Variants in ST7L observed in about 807,000 individuals in gnomAD.
The protein encoded by ST7L is suppressor of tumorigenicity 7 protein-like.
Under a neutral mutation model 72.5 loss-of-function variants are expected in ST7L, and 57 were observed. That is an observed-to-expected ratio of 0.79 (90% CI 0.64 to 0.98). The LOEUF (loss-of-function observed/expected upper bound fraction) is 0.98. ST7L is among the 50% of genes least tolerant of loss of function. The probability of loss-of-function intolerance (pLI) is 0.00; values close to 1 mark genes in which losing one functional copy is unlikely to be tolerated. For synonymous variants in ST7L, 221 were observed against 240.9 expected, an observed-to-expected ratio of 0.92 and a Z score of 0.77; for missense variants, 576 against 672.2, an observed-to-expected ratio of 0.86 and a Z score of 1.58.
At chr1:112,564,320 A>G (rs1034912698) in intron 11 of ST7L, among the ~76,000 whole-genome samples, 1 of 152,078 alleles carries the variant, frequency 6.6e-6, no homozygotes, top group African/African-American at 2.4e-5. Context: ...TCATATCTCA[A>G]CTCTTCTACT....
At chr1:112,611,063 T>A in intron 2 of ST7L, 60 bp from the exon 3 acceptor site, 1 of 1,539,836 alleles carries the variant, frequency 6.5e-7, no homozygotes, top group Non-Finnish European at 8.8e-7. Context: ...TGAGCTCAAA[T>A]TAAAACATTC....
intron 5 of ST7L, among the ~76,000 whole-genome samples, 160 bp from the exon 6 acceptor site, chr1:112,591,763 A>G (rs886587162): frequency 6.6e-6 from 1 of 152,184 alleles, no homozygotes; most frequent in African/African-American, 2.4e-5. Context: ...ATTATGAGAA[A>G]TTTACATTAA....
chr1:112,612,289 G>C (rs981332790), intron 2 of ST7L, among the ~76,000 whole-genome samples: 2 of 152,040 alleles, frequency 1.3e-5, no homozygotes, highest in African/African-American at 4.8e-5. Context: ...GTAGGGACAA[G>C]GTTTTGCCAT....
At chr1:112,584,229 T>C (rs1427189384) in intron 6 of ST7L, 103 bp from the exon 7 acceptor site, 1 of 1,222,122 alleles carries the variant, frequency 8.2e-7, no homozygotes, top group Admixed American at 3.2e-5. Context: ...ACCTACACTT[T>C]TTCCATCTTT....
At chr1:112,590,611 A>G (rs1361963422) in intron 6 of ST7L, among the ~76,000 whole-genome samples, 1 of 152,166 alleles carries the variant, frequency 6.6e-6, no homozygotes, top group African/African-American at 2.4e-5. Flanking sequence ...CCCAACTGGA[A>G]CCATATTTTC....
chr1:112,564,955 C>T (rs1180765756), intron 11 of ST7L, among the ~76,000 whole-genome samples: 2 of 151,758 alleles, frequency 1.3e-5, no homozygotes, highest in South Asian at 2.1e-4. Flanking sequence ...ACTTCCTCTG[C>T]ACTTAAAAGT....
chr1:112,556,196 C>T (rs111251589), intron 11 of ST7L, among the ~76,000 whole-genome samples, 178 bp from the exon 12 acceptor site: 3,079 of 151,984 alleles, frequency 0.02, 106 homozygotes, highest in African/African-American at 0.07. Context: ...TGCTTATATA[C>T]GCAAATTATG....
chr1:112,522,525 C>G (rs983602570), downstream of ST7L: 4 of 152,226 alleles, frequency 2.6e-5, no homozygotes, highest in African/African-American at 9.6e-5. Context: ...TTCCAAAGTT[C>G]CTCTCCAATA....
intron 11 of ST7L, among the ~76,000 whole-genome samples, chr1:112,574,471 A>T (rs1356542288): frequency 2.6e-5 from 4 of 151,830 alleles, no homozygotes; most frequent in Admixed American, 6.6e-5. Context: ...CATCCTGGCT[A>T]ACACTGTGAA....
At position 112,601,458 on chromosome 1, in the gene ST7L, G is replaced by C. The variant is rs544054980; in HGVS notation, c.452-610C>G. Among the ~76,000 whole-genome samples the C allele has an allele frequency of 4.6e-5, 7 of 152,176 alleles. No homozygotes were observed. The South Asian group carries it at 1.5e-3, about 32-fold the overall frequency. ...GACAGGGTTTCACCATGTTAGTCAGGATGGTCTCAATCTCCTGACCTCGTG... is the reference window on the plus strand; with the variant it reads ...GACAGGGTTTCACCATGTTAGTCAGCATGGTCTCAATCTCCTGACCTCGTG... On this transcript the variant is annotated intron_variant, in intron 3 of 14. Transcript: ENST00000358039.
At position 112,556,978 on chromosome 1, in the gene ST7L, A is replaced by C. The variant is rs552511348; in HGVS notation, c.1246-960T>G. Among the ~76,000 whole-genome samples, 52 of 133,340 alleles carry C rather than the reference A, an allele frequency of 3.9e-4. 1 individual carries two copies. Among genetic ancestry groups the C allele is most frequent in the East Asian group, 1.7e-3 (8 of 4,806 alleles). 87.5% of individuals were successfully genotyped at this position (133,340 alleles called of 152,430 possible). A position where few individuals can be genotyped will look rare whatever the true frequency, so the allele number is the denominator to read the frequency against. On this transcript the variant is annotated intron_variant, in intron 11 of 14. Transcript: ENST00000358039. ...CGAGACTCTGTCTCAAAAAAAAAAA[A>C]AAAAAACAAAAAAAAAAAAACACAA...
chr1:112,548,052 T>C (rs974271678), intron 13 of ST7L, among the ~76,000 whole-genome samples: 2 of 152,126 alleles, frequency 1.3e-5, no homozygotes, highest in African/African-American at 4.8e-5. Context: ...TGGTAACCAT[T>C]ATAAGAGATA....
chr1:112,594,033 CA>C (rs1168160409), intron 5 of ST7L, among the ~76,000 whole-genome samples: 2 of 152,024 alleles, frequency 1.3e-5, no homozygotes, highest in Non-Finnish European at 2.9e-5. Flanking sequence ...TAAAACTTTG[CA>C]AGGACCAAAA....
chr1:112,569,774 T>C (rs953857902), intron 11 of ST7L, among the ~76,000 whole-genome samples: 7 of 152,044 alleles, frequency 4.6e-5, no homozygotes, highest in African/African-American at 9.7e-5. Context: ...CTGGCTAACA[T>C]GGTGAAACCC....
At position 112,591,426 on chromosome 1, in the gene ST7L, A is replaced by T. The variant is rs565951263; in HGVS notation, c.701+99T>A. 13 of 947,048 alleles carry T rather than the reference A, an allele frequency of 1.4e-5. No homozygotes were observed. In the South Asian group the frequency reaches 2.2e-4, roughly 16 times the overall value. The allele number at this position is 947,048 out of a possible 1,614,324, so 58.7% of individuals were successfully genotyped here. A position where few individuals can be genotyped will look rare whatever the true frequency, so the allele number is the denominator to read the frequency against. ...ATAACATGCAAAAAGGAAATGACTAATGACTCCAAGTGTCTTAGGAACAGA... is the reference window on the plus strand; with the variant it reads ...ATAACATGCAAAAAGGAAATGACTATTGACTCCAAGTGTCTTAGGAACAGA... On this transcript the variant is annotated intron_variant, in intron 6 of 14. Transcript: ENST00000358039.
intron 14 of ST7L, among the ~76,000 whole-genome samples, chr1:112,541,295 A>G (rs1470511463): frequency 6.6e-6 from 1 of 152,114 alleles, no homozygotes; most frequent in African/African-American, 2.4e-5. Context: ...AAAAAAAAAA[A>G]AAGTAAATAG....
intron 2 of ST7L, among the ~76,000 whole-genome samples, chr1:112,612,734 T>C (rs1034232048): frequency 6.6e-6 from 1 of 152,058 alleles, no homozygotes; most frequent in Non-Finnish European, 1.5e-5. Context: ...CTACCATATA[T>C]TTTACTAAGA....
In ST7L at chr1:112,525,304, A is replaced by G. The variant is rs559960807; in HGVS notation, c.*709T>C. The G allele has an allele frequency of 6.6e-6, 1 of 152,208 alleles. No homozygotes were observed. The highest frequency in any genetic ancestry group is 2.1e-4 in the South Asian group (1 of 4,828). 9.4% of individuals were successfully genotyped at this position (152,208 alleles called of 1,614,324 possible). On this transcript the variant is annotated 3_prime_UTR_variant, in exon 15 of 15. Coordinates refer to ENST00000358039, the MANE Select transcript of ST7L (RefSeq NM_017744.5). ...CTGGAAAAGACCAAGTGGTGGCTTT[A>G]TTAGGGTAAATATATCACAGTTGCT... is the stretch of plus-strand genomic sequence containing the variant.
chr1:112,616,142 C>T (rs1227902909), intron 2 of ST7L, among the ~76,000 whole-genome samples: 1 of 152,148 alleles, frequency 6.6e-6, no homozygotes, highest in Non-Finnish European at 1.5e-5. Context: ...AAGGGGCATG[C>T]ACTGTCCAGG....
Sources: allele counts gnomAD v4.1 joint callset (sites outside exome capture counted in the v4.1 genomes callset), GRCh38; gene constraint gnomAD v4.1.1; transcripts MANE v1.5; gene names NCBI Gene and HGNC (gene_info 2026-07-23, HGNC 2026-07-21).